The following RASGRP1 variants were observed in gnomAD, a reference collection of about 807,000 sequenced individuals.
RASGRP1 encodes RAS guanyl releasing protein 1.
A neutral mutation model predicts 95.1 loss-of-function variants in RASGRP1; 37 were observed. That is an observed-to-expected ratio of 0.39 (90% CI 0.30 to 0.51). The LOEUF (loss-of-function observed/expected upper bound fraction) is 0.51. Among genes scored for constraint, RASGRP1 ranks in the 20% least tolerant of loss-of-function variants. RASGRP1 has a pLI of 0.80. For synonymous variants in RASGRP1, 325 were observed against 353.4 expected (o/e 0.92, Z 0.90); for missense variants, 711 against 965.4 (o/e 0.74, Z 3.49).
chr15:38,502,976 C>A, intron 11 of RASGRP1: 1 of 438,532 alleles, frequency 2.3e-6, no homozygotes, highest in Non-Finnish European at 4.1e-6. Context: ...CTGATTACCC[C>A]TTACTATACT....
intron 8 of RASGRP1, among the ~76,000 whole-genome samples, chr15:38,508,526 T>G (rs1891358670): frequency 6.6e-6 from 1 of 152,194 alleles, no homozygotes; most frequent in Non-Finnish European, 1.5e-5. Context: ...TATTGTGTGT[T>G]ATTCTCTATG....
chr15:38,511,546 T>C, intron 8 of RASGRP1, 58 bp downstream of exon 8: 3 of 1,354,820 alleles, frequency 2.2e-6, no homozygotes, highest in East Asian at 2.3e-5. Context: ...AAGGAGAAAA[T>C]GTTGGCACAC....
intron 2 of RASGRP1, among the ~76,000 whole-genome samples, chr15:38,535,537 A>C (rs983485325): frequency 2.0e-5 from 3 of 152,194 alleles, no homozygotes; most frequent in African/African-American, 7.2e-5. Context: ...GTCAGTGGCC[A>C]GGGGGTGAAA....
At position 38,564,703 on chromosome 15, in the gene RASGRP1, C is replaced by G; in HGVS notation, c.-75G>C. The G allele has an allele frequency of 4.3e-6, 5 of 1,152,972 alleles. No homozygotes were observed. In the South Asian group the frequency reaches 2.1e-4, roughly 49 times the overall value. The allele number at this position is 1,152,972 out of a possible 1,614,324, so 71.4% of individuals were successfully genotyped here. ...GGCGCATCGCCCCCGCCACCACCGC[C>G]GCCGCCTGCCGGCTCTCTCCCCCCC... On this transcript the variant is annotated 5_prime_UTR_variant, in exon 1 of 17. Transcript: ENST00000310803.
intron 3 of RASGRP1, among the ~76,000 whole-genome samples, 154 bp from the exon 4 acceptor site, chr15:38,519,525 A>G (rs1157702558): frequency 6.6e-6 from 1 of 152,208 alleles, no homozygotes; most frequent in East Asian, 1.9e-4. Flanking sequence ...ATAAAAACCA[A>G]CTTGATGTGT....
At chr15:38,505,802 C>T (rs1335397326) in intron 10 of RASGRP1, 38 bp downstream of exon 10, 2 of 1,476,602 alleles carry the variant, frequency 1.4e-6, no homozygotes, top group South Asian at 1.2e-5. Context: ...GCTTGTAAAG[C>T]ACCTGTTACA....
chr15:38,513,299 T>C (rs955783436), intron 6 of RASGRP1, among the ~76,000 whole-genome samples: 2 of 152,192 alleles, frequency 1.3e-5, no homozygotes, highest in Non-Finnish European at 2.9e-5. Context: ...AAGATCAGTA[T>C]TGCTGCTAAG....
chr15:38,542,892 TGTGTATATATATAC>T, intron 2 of RASGRP1, among the ~76,000 whole-genome samples: 1 of 137,720 alleles, frequency 7.3e-6, no homozygotes, highest in Non-Finnish European at 1.6e-5. Flanking sequence ...TACACATATA[TGTGTATATATATAC>T]ACATATATAT....
intron 2 of RASGRP1, among the ~76,000 whole-genome samples, chr15:38,538,767 C>T (rs953106074): frequency 3.9e-5 from 6 of 152,164 alleles, no homozygotes; most frequent in African/African-American, 1.4e-4. Flanking sequence ...ACGCCCACCC[C>T]TTCCAACAGA....
intron 2 of RASGRP1, chr15:38,534,727 A>G (rs931385315): frequency 1.8e-4 from 27 of 152,112 alleles, no homozygotes; most frequent in African/African-American, 6.5e-4. Context: ...TGGTTAACCC[A>G]CCCCCAGACA....
rs374321340 is a variant in RASGRP1 at position 38,494,698 on chromosome 15, C to A, written c.1943G>T (p.Arg648Leu). 5 of 1,527,118 alleles carry A rather than the reference C, an allele frequency of 3.3e-6. No homozygotes were observed. Among genetic ancestry groups the A allele is most frequent in the Non-Finnish European group, 3.5e-6 (4 of 1,141,914 alleles). 94.6% of individuals were successfully genotyped at this position (1,527,118 alleles called of 1,614,324 possible). Residue 648 changes from arginine (R) to leucine (L), a missense_variant, in exon 16 of 17, where the codon CGG becomes CTG. Arg to Leu is a moderately radical substitution (Grantham distance 102, BLOSUM62 -2). Around this residue, in one of 3 missense-constraint regions of RASGRP1, gnomAD observed 212 missense variants for 247.8 expected, o/e 0.86. Coordinates refer to ENST00000310803, the MANE Select transcript of RASGRP1 (RefSeq NM_005739.4). Reference sequence around the variant, plus strand: ...GGACACTCCCATCAGCATGATGGTCCGATCCTTACTCTCCTCACCATGTTC... The same window carrying A: ...GGACACTCCCATCAGCATGATGGTCAGATCCTTACTCTCCTCACCATGTTC... Reference protein sequence around the residue: ...AVEHGEESKDRTIMLMGVSSQ... With the variant: ...AVEHGEESKDLTIMLMGVSSQ...
Position 38,489,721 on chromosome 15 carries a change from T to C in RASGRP1, c.*833A>G. On this transcript the variant is annotated 3_prime_UTR_variant, in exon 17 of 17. Transcript: ENST00000310803. ...GGAACATGAAGAGTTAAACAGACTCTTCATAGACTTTTTTTTTTAAGCCAT... is the reference window on the plus strand; with the variant it reads ...GGAACATGAAGAGTTAAACAGACTCCTCATAGACTTTTTTTTTTAAGCCAT... The C allele has an allele frequency of 1.1e-5, 1 of 90,734 alleles. No individual in the cohort carries two copies. The highest frequency in any genetic ancestry group is 2.4e-5 in the Non-Finnish European group (1 of 41,026). 5.6% of individuals were successfully genotyped at this position (90,734 alleles called of 1,614,324 possible).
chr15:38,523,475 A>G (rs1892075532), intron 3 of RASGRP1, among the ~76,000 whole-genome samples: 1 of 152,240 alleles, frequency 6.6e-6, no homozygotes, highest in African/African-American at 2.4e-5. Flanking sequence ...AAAGTTTTAA[A>G]AATTAAGTTT....
rs1358848869 is a variant in RASGRP1, at chr15:38,488,813, TAAAAAG to T, written c.*1735_*1740del. The T allele has an allele frequency of 2.0e-5, 3 of 152,008 alleles. No homozygotes were observed. Among genetic ancestry groups the T allele is most frequent in the Admixed American group, 2.0e-4 (3 of 15,246 alleles). 9.4% of individuals were successfully genotyped at this position (152,008 alleles called of 1,614,324 possible). A position where few individuals can be genotyped will look rare whatever the true frequency, so the allele number is the denominator to read the frequency against. ...TTGTCCTAACTCATGCTTGTCCTAT[TAAAAAG>T]AAAGTAACAAAGTGTTACTATAAGT... On this transcript the variant is annotated 3_prime_UTR_variant, in exon 17 of 17. Coordinates refer to ENST00000310803, the MANE Select transcript of RASGRP1 (RefSeq NM_005739.4).
chr15:38,538,874 G>C (rs1331364747), intron 2 of RASGRP1, among the ~76,000 whole-genome samples: 1 of 152,140 alleles, frequency 6.6e-6, no homozygotes, highest in Non-Finnish European at 1.5e-5. Flanking sequence ...CGGATGTCTG[G>C]TTAACTTGTG....
chr15:38,525,204 G>C (rs560149426), intron 3 of RASGRP1, among the ~76,000 whole-genome samples: 4 of 152,234 alleles, frequency 2.6e-5, no homozygotes, highest in Admixed American at 1.3e-4. Context: ...CTGACCTTAA[G>C]TGATCTGCCC....
At chr15:38,505,800 A>G in intron 10 of RASGRP1, 40 bp downstream of exon 10, 1 of 1,471,614 alleles carries the variant, frequency 6.8e-7, no homozygotes, top group Non-Finnish European at 9.5e-7. Context: ...AAGCTTGTAA[A>G]GCACCTGTTA....
intron 2 of RASGRP1, among the ~76,000 whole-genome samples, chr15:38,541,830 C>T (rs1196297956): frequency 6.6e-6 from 1 of 152,082 alleles, no homozygotes; most frequent in African/African-American, 2.4e-5. Flanking sequence ...TACTACAGTA[C>T]ATGGTACAGT....
At position 38,491,205 on chromosome 15, in the gene RASGRP1, C is replaced by T. The variant is rs185432306; in HGVS notation, c.2260-517G>A. On this transcript the variant is annotated intron_variant, in intron 16 of 16. Coordinates refer to ENST00000310803, the MANE Select transcript of RASGRP1 (RefSeq NM_005739.4). ...TGTAGTGGTATCATTATAGAGCCAA[C>T]AGTTGATTTCCAGTCTTCTGATTTT... Among the ~76,000 whole-genome samples, 4 of 152,284 alleles carry T rather than the reference C, an allele frequency of 2.6e-5. No individual in the cohort carries two copies. In the East Asian group the frequency reaches 5.8e-4, roughly 22 times the overall value.
Sources: gnomAD v4.1 joint callset for allele counts (sites outside exome capture counted in the v4.1 genomes callset) on GRCh38, gnomAD v4.1.1 for gene constraint, gnomAD v4.1.1 regional missense constraint, MANE v1.5 for transcripts, NCBI Gene and HGNC (gene_info 2026-07-23, HGNC 2026-07-21) for gene names.